Variants in RGS21 observed in about 807,000 individuals in gnomAD.
The protein encoded by RGS21 is regulator of G-protein signalling 21.
Under a neutral mutation model 18.7 loss-of-function variants are expected in RGS21, and 19 were observed. The ratio of observed to expected loss-of-function variants is 1.01; its 90% CI spans 0.71 to 1.49. The LOEUF (loss-of-function observed/expected upper bound fraction) is 1.49. Ranked by LOEUF, RGS21 falls within the 40% of genes most tolerant of loss-of-function variation. RGS21 has a pLI of 0.00. For missense variants in RGS21, 194 were observed against 176.8 expected (o/e 1.10, Z -0.55); for synonymous variants, 56 against 57.8 (o/e 0.97, Z 0.14).
intron 1 of RGS21, among the ~76,000 whole-genome samples, chr1:192,320,526 A>ATGTATGTGTATGTGTATG (rs57903620): frequency 0.078 from 11,430 of 147,460 alleles, 565 homozygotes; most frequent in Non-Finnish European, 0.1. Context: ...GTATGTGTAT[A>ATGTATGTGTATGTGTATG]TGTATGTGTA....
chr1:192,366,024 C>T lies in RGS21; in HGVS notation c.359C>T (p.Ala120Val). ...CAGAAATTAATCTATTGTCTCATGG[C>T]CAAGGATTCTTTCCCTCGATTTCTG... is the stretch of plus-strand genomic sequence containing the variant. Reference protein sequence around the residue: ...EAQKLIYCLMAKDSFPRFLKS... With the variant: ...EAQKLIYCLMVKDSFPRFLKS... The change falls in exon 5 of 5, where the codon GCC becomes GTC. Residue 120 changes from alanine (A) to valine (V), a missense_variant. Ala to Val is a moderately conservative substitution (Grantham distance 64). Transcript: ENST00000417209. 6.2e-7 allele frequency: 1 copy of T among 1,609,358 alleles called. No individual in the cohort carries two copies. Among genetic ancestry groups the T allele is most frequent in the Non-Finnish European group, 8.5e-7 (1 of 1,176,248 alleles).
chr1:192,342,846 T>C (rs1402467315), intron 1 of RGS21, 131 bp from the exon 2 acceptor site: 1 of 544,852 alleles, frequency 1.8e-6, no homozygotes, highest in Non-Finnish European at 3.4e-6. Context: ...TTAAGTGTTT[T>C]GACCAATGAA....
At chr1:192,337,645 A>G (rs1023100173) in intron 1 of RGS21, among the ~76,000 whole-genome samples, 1 of 152,102 alleles carries the variant, frequency 6.6e-6, no homozygotes, top group Non-Finnish European at 1.5e-5. Flanking sequence ...GGAGGGGTCA[A>G]TTAAGTGATT....
intron 4 of RGS21, among the ~76,000 whole-genome samples, chr1:192,353,960 C>T (rs886913488): frequency 6.6e-6 from 1 of 151,270 alleles, no homozygotes; most frequent in African/African-American, 2.4e-5. Context: ...AATATGTATA[C>T]CCCATGTTTA....
At chr1:192,365,434 A>G (rs1338800341) in intron 4 of RGS21, among the ~76,000 whole-genome samples, 1 of 152,114 alleles carries the variant, frequency 6.6e-6, no homozygotes, top group South Asian at 2.1e-4. Context: ...AGGGGATGTT[A>G]TTTGATCCAT....
intron 4 of RGS21, among the ~76,000 whole-genome samples, chr1:192,353,931 C>A (rs1659078581): frequency 6.6e-6 from 1 of 151,464 alleles, no homozygotes; most frequent in Non-Finnish European, 1.5e-5. Flanking sequence ...ACCAAATTAA[C>A]TGAAAATACG....
intron 1 of RGS21, among the ~76,000 whole-genome samples, chr1:192,322,272 C>T (rs1658508496): frequency 6.6e-6 from 1 of 152,034 alleles, no homozygotes; most frequent in South Asian, 2.1e-4. Flanking sequence ...AAAAAAAATC[C>T]TATCATGGAA....
chr1:192,346,351 T>C (rs1373617086), intron 2 of RGS21, among the ~76,000 whole-genome samples: 1 of 152,122 alleles, frequency 6.6e-6, no homozygotes, highest in East Asian at 1.9e-4. Flanking sequence ...TATCTTGCCG[T>C]GCAAATACAA....
At chr1:192,362,962 G>GA (rs1251245674) in intron 4 of RGS21, among the ~76,000 whole-genome samples, 2 of 151,474 alleles carry the variant, frequency 1.3e-5, no homozygotes, top group Non-Finnish European at 2.9e-5. Context: ...AGATCAGAAA[G>GA]AAAAAAAATC....
intron 1 of RGS21, among the ~76,000 whole-genome samples, chr1:192,332,068 A>C (rs896954803): frequency 6.6e-6 from 1 of 152,178 alleles, no homozygotes; most frequent in Non-Finnish European, 1.5e-5. Flanking sequence ...CAGGATGTTC[A>C]TAATCTAACT....
At chr1:192,330,278 C>T (rs1394851069) in intron 1 of RGS21, among the ~76,000 whole-genome samples, 1 of 152,120 alleles carries the variant, frequency 6.6e-6, no homozygotes, top group Non-Finnish European at 1.5e-5. Flanking sequence ...GCAAGCAAAG[C>T]TTTGAAATCC....
chr1:192,333,601 C>T (rs1354571172), intron 1 of RGS21, among the ~76,000 whole-genome samples: 2 of 122,366 alleles, frequency 1.6e-5, no homozygotes, highest in Non-Finnish European at 3.2e-5. Context: ...AAGGTATGAT[C>T]GTATTTTTAT....
chr1:192,344,073 T>G (rs933369264), intron 2 of RGS21, among the ~76,000 whole-genome samples: 2 of 152,072 alleles, frequency 1.3e-5, no homozygotes, highest in African/African-American at 4.8e-5. Flanking sequence ...CTATTTTTAT[T>G]TGATAGTGTA....
intron 1 of RGS21, among the ~76,000 whole-genome samples, chr1:192,324,129 C>T (rs1377798367): frequency 6.6e-6 from 1 of 151,786 alleles, no homozygotes; most frequent in Non-Finnish European, 1.5e-5. Context: ...ATGTTTATTT[C>T]TCTACAGTCA....
chr1:192,325,427 T>C (rs1295349699), intron 1 of RGS21, among the ~76,000 whole-genome samples: 1 of 152,096 alleles, frequency 6.6e-6, no homozygotes, highest in East Asian at 1.9e-4. Flanking sequence ...TGAGTGCATG[T>C]GTCTTTTCGG....
chr1:192,326,176 A>G (rs1658565984), intron 1 of RGS21, among the ~76,000 whole-genome samples: 1 of 152,066 alleles, frequency 6.6e-6, no homozygotes, highest in African/African-American at 2.4e-5. Flanking sequence ...ATTTGTAAAA[A>G]GGTTTGACAT....
intron 4 of RGS21, among the ~76,000 whole-genome samples, chr1:192,362,805 C>G (rs1024924747): frequency 3.3e-5 from 5 of 152,076 alleles, no homozygotes; most frequent in African/African-American, 1.2e-4. Flanking sequence ...GAAGAGTTCT[C>G]TCTAAAATTT....
intron 1 of RGS21, among the ~76,000 whole-genome samples, chr1:192,342,571 G>C (rs968037380): frequency 6.6e-6 from 1 of 151,764 alleles, no homozygotes; most frequent in African/African-American, 2.4e-5. Flanking sequence ...GCCCTCCTCA[G>C]ATTCTCTGAA....
intron 1 of RGS21, among the ~76,000 whole-genome samples, chr1:192,321,120 T>C (rs1198157448): frequency 2.0e-5 from 3 of 151,992 alleles, no homozygotes; most frequent in Non-Finnish European, 4.4e-5. Context: ...CTCTAAAATA[T>C]GTATATTAAA....
Sources: allele counts gnomAD v4.1 joint callset (sites outside exome capture counted in the v4.1 genomes callset), GRCh38; gene constraint gnomAD v4.1.1; transcripts MANE v1.5; gene names NCBI Gene and HGNC (gene_info 2026-07-23, HGNC 2026-07-21).